Variants in HACD1 observed in about 807,000 individuals in gnomAD.
The protein encoded by HACD1 is 3-hydroxyacyl-CoA dehydratase 1, also known as very-long-chain (3R)-3-hydroxyacyl-CoA dehydratase 1.
A neutral mutation model predicts 32.0 loss-of-function variants in HACD1; 41 were observed. The observed-to-expected ratio is 1.28, with a 90% confidence interval of 1.00 to 1.66. The LOEUF (loss-of-function observed/expected upper bound fraction) is 1.66, where lower values mean the gene tolerates loss of function less well. HACD1 is among the 40% of genes most tolerant of loss of function. The pLI is 0.00. For synonymous variants in HACD1, 142 were observed against 139.0 expected (o/e 1.02, Z -0.15); for missense variants, 396 against 380.1 (o/e 1.04, Z -0.35).
At chr10:17,607,791 G>T (rs1350249978) in intron 1 of HACD1, among the ~76,000 whole-genome samples, 1 of 152,088 alleles carries the variant, frequency 6.6e-6, no homozygotes, top group Non-Finnish European at 1.5e-5. Flanking sequence ...AGGACCCATC[G>T]AAACATCTAT....
In HACD1 at chr10:17,608,377, T is replaced by C. The variant is rs112512342; in HGVS notation, c.258-4330A>G. On this transcript the variant is annotated intron_variant, in intron 1 of 6. Coordinates refer to ENST00000361271, the MANE Select transcript of HACD1 (RefSeq NM_014241.4). ...CAGTTACTGATGATCATTGGCTAGA[T>C]CCATTATTTCAACAATCATTGAAAA... 1.6e-4 allele frequency among the ~76,000 whole-genome samples: 24 copies of C among 152,234 alleles called. 1 individual carries two copies. The highest frequency in any genetic ancestry group is 5.3e-4 in the African/African-American group (22 of 41,544).
chr10:17,606,047 T>C (rs191245520), intron 1 of HACD1, among the ~76,000 whole-genome samples: 1 of 151,684 alleles, frequency 6.6e-6, no homozygotes, highest in East Asian at 1.9e-4. Context: ...TGGCGGCACA[T>C]GCCTGTGGTT....
In HACD1 at chr10:17,594,323, G is replaced by A. The variant is rs782770326; in HGVS notation, c.666C>T (p.Tyr222=). ...TTTTCTTCACATGCGGCAAGGCAGC[G>A]TATATTGTAAGAAGTTCACCAGCAA... ...VGVAGELLTI[Y]AALPHVKKTG... Residue 222 remains tyrosine, a synonymous_variant, in exon 6 of 7, where the codon TAC becomes TAT. Coordinates refer to ENST00000361271, the MANE Select transcript of HACD1 (RefSeq NM_014241.4). The A allele has an allele frequency of 1.4e-5, 22 of 1,596,724 alleles. No individual in the cohort carries two copies. The East Asian group carries it at 1.8e-4, about 13-fold the overall frequency.
intron 6 of HACD1, among the ~76,000 whole-genome samples, chr10:17,593,757 A>T (rs188447136): frequency 2.1e-4 from 32 of 152,372 alleles, no homozygotes; most frequent in African/African-American, 7.7e-4. Flanking sequence ...ACATAGAGCA[A>T]CACAAATAAG....
At chr10:17,615,700 C>A in intron 1 of HACD1, 1 of 272,998 alleles carries the variant, frequency 3.7e-6, no homozygotes, top group South Asian at 2.8e-5. Flanking sequence ...GGTGCGATGG[C>A]TCACACCTGT....
chr10:17,597,782 G>A lies in HACD1; in HGVS notation c.605+1508C>T, dbSNP rs115822459. ...CCTTTAAAAAGCTCAGTCACTAAAG[G>A]TAAACACATTTTCATGTACAGTAAG... On this transcript the variant is annotated intron_variant, in intron 5 of 6. Coordinates refer to ENST00000361271, the MANE Select transcript of HACD1 (RefSeq NM_014241.4). Among the ~76,000 whole-genome samples the A allele has an allele frequency of 9.1e-4, 139 of 152,236 alleles. 1 individual carries two copies. The highest frequency in any genetic ancestry group is 3.2e-3 in the African/African-American group (133 of 41,544).
chr10:17,612,335 A>G (rs1832996705), intron 1 of HACD1, among the ~76,000 whole-genome samples: 1 of 152,232 alleles, frequency 6.6e-6, no homozygotes, highest in African/African-American at 2.4e-5. Context: ...CTGACAGACT[A>G]TTAAGTGAAA....
intron 2 of HACD1, 37 bp from the exon 3 acceptor site, chr10:17,603,781 T>C (rs377244390): frequency 4.5e-6 from 7 of 1,569,692 alleles, no homozygotes; most frequent in Non-Finnish European, 6.1e-6. Flanking sequence ...ACGTCAATAA[T>C]AGAAAACATT....
chr10:17,600,768 T>C (rs1463770315), intron 4 of HACD1, among the ~76,000 whole-genome samples: 1 of 152,216 alleles, frequency 6.6e-6, no homozygotes, highest in African/African-American at 2.4e-5. Context: ...TTGCACTCCC[T>C]ACGTCAGACT....
chr10:17,600,236 A>G (rs1834050205), intron 4 of HACD1, among the ~76,000 whole-genome samples: 1 of 152,194 alleles, frequency 6.6e-6, no homozygotes, highest in South Asian at 2.1e-4. Context: ...CTATCTTTCA[A>G]GATTCAGCTA....
chr10:17,590,754 C>A (rs781878127), intron 6 of HACD1, among the ~76,000 whole-genome samples: 6 of 152,254 alleles, frequency 3.9e-5, no homozygotes, highest in Admixed American at 6.5e-5. Context: ...TCACTGCAAC[C>A]TCTGCCTCCC....
intron 1 of HACD1, among the ~76,000 whole-genome samples, chr10:17,607,923 G>A (rs1834171464): frequency 6.6e-6 from 1 of 152,154 alleles, no homozygotes; most frequent in Non-Finnish European, 1.5e-5. Context: ...GTCCTATATT[G>A]AACTAGTTTT....
intron 1 of HACD1, among the ~76,000 whole-genome samples, chr10:17,613,058 A>T (rs1833013653): frequency 6.6e-6 from 1 of 151,614 alleles, no homozygotes; most frequent in Admixed American, 6.6e-5. Context: ...AAAATTTTAT[A>T]ATATTTCTTA....
At chr10:17,612,849 G>A (rs1014240781) in intron 1 of HACD1, among the ~76,000 whole-genome samples, 63 of 150,412 alleles carry the variant, frequency 4.2e-4, no homozygotes, top group Non-Finnish European at 7.8e-4. Flanking sequence ...GAGAATCCGG[G>A]AGGCGGAACT....
chr10:17,610,653 T>C (rs1834220407), intron 1 of HACD1, among the ~76,000 whole-genome samples: 1 of 151,654 alleles, frequency 6.6e-6, no homozygotes, highest in Admixed American at 6.6e-5. Flanking sequence ...AAAAGTACAA[T>C]TTTAAATAAA....
chr10:17,600,475 G>A (rs1471653423), intron 4 of HACD1, among the ~76,000 whole-genome samples: 1 of 152,090 alleles, frequency 6.6e-6, no homozygotes, highest in Non-Finnish European at 1.5e-5. Flanking sequence ...GAGTAGCTGG[G>A]ATTACATGCC....
Position 17,589,727 on chromosome 10 carries a change from C to T in HACD1, c.*637G>A, listed in dbSNP as rs1199539777. ...GCTAATTTAAATAAAAAGCAGATTT[C>T]CTTAGCAGTATAAGTAATTTCAGCT... is the stretch of plus-strand genomic sequence containing the variant. On this transcript the variant is annotated 3_prime_UTR_variant, in exon 7 of 7. Transcript: ENST00000361271. The T allele has an allele frequency of 6.6e-6, 1 of 152,112 alleles. No homozygotes were observed. 9.4% of individuals were successfully genotyped at this position (152,112 alleles called of 1,614,324 possible).
In HACD1 at chr10:17,612,231, G is replaced by A. The variant is rs139665923; in HGVS notation, c.257+4852C>T. 1.5e-3 allele frequency among the ~76,000 whole-genome samples: 227 copies of A among 151,724 alleles called. 1 individual carries two copies. The highest frequency in any genetic ancestry group is 5.2e-3 in the African/African-American group (214 of 41,352). Reference sequence around the variant, plus strand: ...CAGAAACAAATAAAAGCAAAATGTCGTTAGGCGCATGATTTAATCCATTAT... The same window carrying A: ...CAGAAACAAATAAAAGCAAAATGTCATTAGGCGCATGATTTAATCCATTAT... On this transcript the variant is annotated intron_variant, in intron 1 of 6. Transcript: ENST00000361271.
At chr10:17,611,763 G>A (rs2884151) in intron 1 of HACD1, among the ~76,000 whole-genome samples, 16,915 of 151,938 alleles carry the variant, frequency 0.11, 996 homozygotes, top group East Asian at 0.24. Context: ...TTAGGAGATC[G>A]AGACCATCCT....
Sources: gnomAD v4.1 joint callset for allele counts (sites outside exome capture counted in the v4.1 genomes callset) on GRCh38, gnomAD v4.1.1 for gene constraint, MANE v1.5 for transcripts, NCBI Gene and HGNC (gene_info 2026-07-23, HGNC 2026-07-21) for gene names.